Variants in SGCG observed in about 807,000 individuals in gnomAD.
SGCG encodes gamma-sarcoglycan.
SGCG carries 26 observed loss-of-function variants against 29.3 expected under a neutral mutation model. The observed-to-expected ratio is 0.89, with a 90% CI of 0.65 to 1.23. The LOEUF (loss-of-function observed/expected upper bound fraction) is 1.23. SGCG is among the 50% of genes most tolerant of loss of function. The pLI is 0.00. For missense variants in SGCG, 353 were observed against 356.0 expected, an observed-to-expected ratio of 0.99 and a Z score of 0.07; for synonymous variants, 145 against 129.7, an observed-to-expected ratio of 1.12 and a Z score of -0.80.
intron 2 of SGCG, among the ~76,000 whole-genome samples, chr13:23,233,764 C>A (rs1421925160): frequency 6.6e-6 from 1 of 152,104 alleles, no homozygotes; most frequent in African/African-American, 2.4e-5. Context: ...GAAGCCAATT[C>A]ATAGCATGAA....
At chr13:23,318,971 C>T (rs1434872232) in intron 6 of SGCG, among the ~76,000 whole-genome samples, 3 of 152,144 alleles carry the variant, frequency 2.0e-5, no homozygotes, top group African/African-American at 4.8e-5. Flanking sequence ...CACTCCTCCA[C>T]GCAAGAAAAA....
At chr13:23,256,509 C>T (rs73168679) in intron 4 of SGCG, among the ~76,000 whole-genome samples, 4,618 of 152,164 alleles carry the variant, frequency 0.03, 104 homozygotes, top group Non-Finnish European at 0.047. Flanking sequence ...GGTATCTCCC[C>T]TAATGCTGTC....
rs541632414 is a variant in SGCG at position 23,229,211 on chromosome 13, A to G, written c.196-5400A>G. ...TCTAGTCTACTGTTGATGGACATTT[A>G]AGTTGATTCCATGTCTTTGCTATTG... On this transcript the variant is annotated intron_variant, in intron 2 of 7. Coordinates refer to ENST00000218867, the MANE Select transcript of SGCG (RefSeq NM_000231.3). Among the ~76,000 whole-genome samples the G allele has an allele frequency of 2.0e-3, 305 of 152,266 alleles. 1 individual carries two copies. The highest frequency in any genetic ancestry group is 7.0e-3 in the African/African-American group (291 of 41,562).
Position 23,203,777 on chromosome 13 carries a change from T to C in SGCG, c.83T>C (p.Ile28Thr). ...PENQYVYKIG[I>T]YGWRKRCLYL... ...AATCAGTATGTCTACAAAATTGGCA[T>C]TTATGGCTGGAGAAAGCGCTGTCTC... The change falls in exon 2 of 8, where the codon ATT (isoleucine) becomes ACT (threonine). Residue 28 changes from isoleucine to threonine, a missense_variant. Coordinates refer to ENST00000218867, the MANE Select transcript of SGCG (RefSeq NM_000231.3). 1.9e-6 allele frequency: 3 copies of C among 1,614,002 alleles called. No homozygotes were observed. The highest frequency in any genetic ancestry group is 2.5e-6 in the Non-Finnish European group (3 of 1,179,870).
chr13:23,177,443 C>T (rs1335580683), upstream of SGCG, among the ~76,000 whole-genome samples: 1 of 151,768 alleles, frequency 6.6e-6, no homozygotes, highest in Non-Finnish European at 1.5e-5. Flanking sequence ...AAAAATTATC[C>T]TGATTTGATC....
chr13:23,278,576 C>G (rs959293624), intron 4 of SGCG, among the ~76,000 whole-genome samples: 1 of 152,026 alleles, frequency 6.6e-6, no homozygotes, highest in Admixed American at 6.6e-5. Context: ...GTGGAAGCAT[C>G]AAAGAGGAAT....
chr13:23,318,639 A>C (rs1049748953), intron 6 of SGCG, among the ~76,000 whole-genome samples: 2 of 152,168 alleles, frequency 1.3e-5, no homozygotes, highest in Non-Finnish European at 2.9e-5. Context: ...GTATCTGAGT[A>C]CTGTTCAATG....
intron 2 of SGCG, among the ~76,000 whole-genome samples, chr13:23,204,580 C>CTCTTTCTTT (rs71668291): frequency 8.3e-5 from 11 of 132,074 alleles, no homozygotes; most frequent in South Asian, 6.7e-4. Flanking sequence ...TATGCACAGG[C>CTCTTTCTTT]TCTTTCTTTT....
intron 6 of SGCG, among the ~76,000 whole-genome samples, chr13:23,310,877 A>G (rs978891997): frequency 2.0e-5 from 3 of 152,148 alleles, no homozygotes; most frequent in African/African-American, 7.2e-5. Context: ...AGTCACTTCC[A>G]TCCAAACTTC....
intron 5 of SGCG, among the ~76,000 whole-genome samples, chr13:23,294,840 A>C (rs1881842755): frequency 6.6e-6 from 1 of 152,174 alleles, no homozygotes; most frequent in Non-Finnish European, 1.5e-5. Context: ...GGATACATCA[A>C]AGAGCATGTC....
At position 23,324,553 on chromosome 13, in the gene SGCG, CCT is replaced by C. The variant is rs1883163297; in HGVS notation, c.*16_*17del. 3.1e-6 allele frequency: 5 copies of C among 1,606,976 alleles called. No homozygotes were observed. The highest frequency in any genetic ancestry group is 1.3e-5 in the African/African-American group (1 of 74,816). On this transcript the variant is annotated 3_prime_UTR_variant, in exon 8 of 8. Coordinates refer to ENST00000218867, the MANE Select transcript of SGCG (RefSeq NM_000231.3). ...ACATCTGCCTCTGAGCTGCCTGCGTCCTCTCGGTGAGCTGTGCAGTGCCGGCC... is the reference window on the plus strand; with the variant it reads ...ACATCTGCCTCTGAGCTGCCTGCGTCCTCGGTGAGCTGTGCAGTGCCGGCC...
intron 7 of SGCG, among the ~76,000 whole-genome samples, chr13:23,322,753 G>GGCC (rs1883085106): frequency 1.0e-4 from 1 of 9,998 alleles, no homozygotes; most frequent in African/African-American, 3.1e-4. Flanking sequence ...TGCACAGACC[G>GGCC]CCCCCCACCC....
chr13:23,247,976 T>G (rs1196479506), intron 3 of SGCG, among the ~76,000 whole-genome samples: 6 of 137,630 alleles, frequency 4.4e-5, no homozygotes, highest in Admixed American at 1.4e-4. Flanking sequence ...AAAAAAAAAG[T>G]TTTTTAACAA....
intron 1 of SGCG, among the ~76,000 whole-genome samples, chr13:23,187,728 C>T (rs1395485570): frequency 1.3e-5 from 2 of 152,188 alleles, no homozygotes; most frequent in Non-Finnish European, 2.9e-5. Flanking sequence ...ACAGTGATTG[C>T]TGCTGGCTCC....
At chr13:23,249,125 A>G (rs184552900) in intron 3 of SGCG, among the ~76,000 whole-genome samples, 47 of 152,304 alleles carry the variant, frequency 3.1e-4, no homozygotes, top group Admixed American at 6.5e-4. Flanking sequence ...GACACTTTGT[A>G]AATAGTTTTC....
chr13:23,186,294 C>A (rs1362399433), intron 1 of SGCG, among the ~76,000 whole-genome samples: 2 of 152,296 alleles, frequency 1.3e-5, no homozygotes, highest in Non-Finnish European at 1.5e-5. Flanking sequence ...CCAGCAAATG[C>A]CTTGCTGGTC....
upstream of SGCG, among the ~76,000 whole-genome samples, chr13:23,177,091 G>A (rs1876580621): frequency 6.6e-6 from 1 of 152,112 alleles, no homozygotes. Flanking sequence ...GAACCTGAAG[G>A]ACATCATGTT....
At chr13:23,198,423 GA>G (rs1035085102) in intron 1 of SGCG, among the ~76,000 whole-genome samples, 13 of 152,108 alleles carry the variant, frequency 8.5e-5, no homozygotes, top group African/African-American at 3.1e-4. Flanking sequence ...ACAAACTGGG[GA>G]TCATGAATTC....
intron 1 of SGCG, among the ~76,000 whole-genome samples, chr13:23,202,218 T>C (rs1315744319): frequency 2.0e-5 from 3 of 152,166 alleles, no homozygotes; most frequent in African/African-American, 7.2e-5. Flanking sequence ...GTTTGGACAT[T>C]GTCACTGTGG....
Sources: allele counts gnomAD v4.1 joint callset (sites outside exome capture counted in the v4.1 genomes callset), GRCh38; gene constraint gnomAD v4.1.1; transcripts MANE v1.5; gene names NCBI Gene and HGNC (gene_info 2026-07-23, HGNC 2026-07-21).